Variants in ERBB2 observed in about 807,000 individuals in gnomAD.
The protein encoded by ERBB2 is receptor tyrosine-protein kinase erbB-2.
A neutral mutation model predicts 149.0 loss-of-function variants in ERBB2; 61 were observed. That is an observed-to-expected ratio of 0.41 (90% confidence interval 0.33 to 0.51). The LOEUF is 0.51. ERBB2 is among the 20% of genes least tolerant of loss of function. The pLI, the probability that ERBB2 is intolerant of heterozygous loss-of-function variation, is 0.25. For missense variants in ERBB2, 1,205 were observed against 1,655.1 expected (o/e 0.73, Z 4.72); for synonymous variants, 633 against 678.8 (o/e 0.93, Z 1.05).
At chr17:39,712,215 C>A in intron 8 of ERBB2, 107 bp from the exon 9 acceptor site, 1 of 1,536,376 alleles carries the variant, frequency 6.5e-7, no homozygotes, top group South Asian at 1.1e-5. Flanking sequence ...CCCTATATCC[C>A]CTGTCAGTGT....
intron 9 of ERBB2, among the ~76,000 whole-genome samples, chr17:39,714,655 T>C (rs1438881633): frequency 6.6e-6 from 1 of 152,202 alleles, no homozygotes; most frequent in African/African-American, 2.4e-5. Context: ...TATTTACTAA[T>C]AGACATTTAG....
chr17:39,726,319 C>T lies in ERBB2; in HGVS notation c.2873-243C>T, dbSNP rs143319500. 6.7e-5 allele frequency: 35 copies of T among 525,852 alleles called. No homozygotes were observed. Among genetic ancestry groups the T allele is most frequent in the African/African-American group, 1.3e-4 (7 of 52,422 alleles). The allele number at this position is 525,852 out of a possible 1,614,324, so 32.6% of individuals were successfully genotyped here. A position where few individuals can be genotyped will look rare whatever the true frequency, so the allele number is the denominator to read the frequency against. On this transcript the variant is annotated intron_variant, in intron 23 of 26. Transcript: ENST00000269571. This position sits in a 1 kb window ranked among gnomAD's most constrained non-coding sequence, Gnocchi z 5.1. ...CTGAAATCCAGCCTGGGTGACAGAG[C>T]GAAACCTCATCTCAAAAAAATAAAA...
rs768798865 is a variant in ERBB2 at position 39,726,686 on chromosome 17, G to T, written c.2970+27G>T. Reference sequence around the variant, plus strand: ...TACTGGGCCTCTGTGCCCCATCCCTGCCTGTGGCTAAGAGCACCCTCCTGC... The same window carrying T: ...TACTGGGCCTCTGTGCCCCATCCCTTCCTGTGGCTAAGAGCACCCTCCTGC... On this transcript the variant is annotated intron_variant, in intron 24 of 26. Coordinates refer to ENST00000269571, the MANE Select transcript of ERBB2 (RefSeq NM_004448.4). This position sits in a 1 kb window ranked among gnomAD's most constrained non-coding sequence, Gnocchi z 5.1. 2.5e-6 allele frequency: 4 copies of T among 1,610,556 alleles called. No homozygotes were observed. In the East Asian group the frequency reaches 8.9e-5, roughly 36 times the overall value.
rs765387989 is a variant in ERBB2, at chr17:39,723,420, G to A, written c.2048G>A (p.Arg683Gln). ...ATCAAGCGACGGCAGCAGAAGATCC[G>A]GAAGTACACGATGCGGAGACTGCTG... ...ILIKRRQQKIRKYTMRRLLQE... is the reference protein window; with the variant it reads ...ILIKRRQQKIQKYTMRRLLQE... The change falls in exon 17 of 27, where the codon CGG (arginine) becomes CAG (glutamine). Residue 683 changes from arginine to glutamine, a missense_variant. Arg to Gln is a conservative substitution (Grantham distance 43). Around this residue, in one of 6 missense-constraint regions of ERBB2, gnomAD observed 569 missense variants for 803.5 expected, o/e 0.71. Coordinates refer to ENST00000269571, the MANE Select transcript of ERBB2 (RefSeq NM_004448.4). This position sits in a 1 kb window ranked among gnomAD's most constrained non-coding sequence, Gnocchi z 6.2. 4 of 1,614,196 alleles carry A rather than the reference G, an allele frequency of 2.5e-6. No homozygotes were observed.
intron 8 of ERBB2, 56 bp downstream of exon 8, chr17:39,712,103 G>A: frequency 6.2e-7 from 1 of 1,611,926 alleles, no homozygotes; most frequent in Non-Finnish European, 8.5e-7. Context: ...TGCGCATGCA[G>A]CCTGGCCCAG....
Position 39,708,467 on chromosome 17 carries a change from C to T in ERBB2, c.372C>T (p.Asn124=). ...TGCTAGACAATGGAGACCCGCTGAA[C>T]AATACCACCCCTGTCACAGGGGCCT... ...LAVLDNGDPL[N]NTTPVTGASP... The change falls in exon 3 of 27, where the codon AAC becomes AAT. Residue 124 remains asparagine (N), a synonymous_variant. Transcript: ENST00000269571. 6.2e-7 allele frequency: 1 copy of T among 1,614,226 alleles called. No homozygotes were observed. The highest frequency in any genetic ancestry group is 1.3e-5 in the African/African-American group (1 of 75,060).
upstream of ERBB2, among the ~76,000 whole-genome samples, chr17:39,698,960 A>T (rs957350166): frequency 1.6e-4 from 16 of 98,818 alleles, no homozygotes; most frequent in South Asian, 3.4e-3. Context: ...GTTGAAATTA[A>T]AAAAAAAAAA....
intron 1 of ERBB2, among the ~76,000 whole-genome samples, chr17:39,705,103 C>T (rs2058346534): frequency 6.6e-6 from 1 of 152,182 alleles, no homozygotes; most frequent in South Asian, 2.1e-4. Context: ...ATGGAGGTTG[C>T]AGCCCCAGTC....
Position 39,715,784 on chromosome 17 carries a change from T to C in ERBB2, c.1358T>C (p.Leu453Pro). The C allele has an allele frequency of 1.2e-6, 2 of 1,608,998 alleles. No individual in the cohort carries two copies. The highest frequency in any genetic ancestry group is 4.5e-5 in the East Asian group (2 of 44,900). ...CTGCAAGGGCTGGGCATCAGCTGGC[T>C]GGGGCTGCGCTCACTGAGGGAACTG... The part of the protein sequence containing the change: ...LTLQGLGISW[L>P]GLRSLRELGS... Residue 453 changes from leucine (L) to proline (P), a missense_variant, in exon 12 of 27, where the codon CTG becomes CCG. Around this residue, in one of 6 missense-constraint regions of ERBB2, gnomAD observed 569 missense variants for 803.5 expected, o/e 0.71. Transcript: ENST00000269571.
At chr17:39,699,631 A>G (rs2057970671), upstream of ERBB2, 1 of 1,178,966 alleles carries the variant, frequency 8.5e-7, no homozygotes, top group South Asian at 1.3e-5. Context: ...ATTTTACTAG[A>G]GGATGTGGTG....
intron 7 of ERBB2, among the ~76,000 whole-genome samples, chr17:39,711,532 G>A (rs1470822352): frequency 6.6e-6 from 1 of 152,172 alleles, no homozygotes; most frequent in Admixed American, 6.5e-5. Flanking sequence ...TTACTGATGG[G>A]CGTTTATGGA....
chr17:39,705,273 T>C (rs2058357256), intron 1 of ERBB2, among the ~76,000 whole-genome samples: 1 of 151,068 alleles, frequency 6.6e-6, no homozygotes. Flanking sequence ...GGGGGTGGAG[T>C]CGGACCCTGC....
Position 39,723,716 on chromosome 17 carries a change from G to T in ERBB2, c.2208+56G>T, listed in dbSNP as rs2145819647. On this transcript the variant is annotated intron_variant, in intron 18 of 26. Transcript: ENST00000269571. This position sits in a 1 kb window ranked among gnomAD's most constrained non-coding sequence, Gnocchi z 6.2. ...CAGAGGATGGGGGCGGTGCCTGGAG[G>T]GGTGTGGTCGGCAGTTCTGATGGGA... is the stretch of plus-strand genomic sequence containing the variant. 1 of 1,567,872 alleles carries T rather than the reference G, an allele frequency of 6.4e-7. No homozygotes were observed. Among genetic ancestry groups the T allele is most frequent in the Non-Finnish European group, 8.7e-7 (1 of 1,155,838 alleles).
chr17:39,724,033 G>A (rs2145829104), intron 19 of ERBB2, 23 bp downstream of exon 19: 4 of 1,563,944 alleles, frequency 2.6e-6, no homozygotes, highest in African/African-American at 1.4e-5. Context: ...ACCCTCTCCT[G>A]CTAGGAGGAC....
chr17:39,718,085 TAC>T (rs1269623922), intron 15 of ERBB2, among the ~76,000 whole-genome samples: 1 of 152,252 alleles, frequency 6.6e-6, no homozygotes, highest in African/African-American at 2.4e-5. Context: ...GTGTTGGGAT[TAC>T]AGCGGTGAGC....
chr17:39,708,351 A>T lies in ERBB2; in HGVS notation c.256A>T (p.Ile86Phe), dbSNP rs759478535. Reference protein sequence around the residue: ...DIQEVQGYVLIAHNQVRQVPL... With the variant: ...DIQEVQGYVLFAHNQVRQVPL... ...CCAGGAGGTGCAGGGCTACGTGCTC[A>T]TCGCTCACAACCAAGTGAGGCAGGT... The change falls in exon 3 of 27, where the codon ATC becomes TTC. Residue 86 changes from isoleucine (I) to phenylalanine (F), a missense_variant. Physicochemically the swap from Ile to Phe is conservative, Grantham distance 21. Transcript: ENST00000269571. 1 of 1,614,154 alleles carries T rather than the reference A, an allele frequency of 6.2e-7. No individual in the cohort carries two copies. Among genetic ancestry groups the T allele is most frequent in the Non-Finnish European group, 8.5e-7 (1 of 1,180,018 alleles).
rs1251128027 is a variant in ERBB2, at chr17:39,727,915, C to T, written c.3639C>T (p.Phe1213=). 1 of 1,614,212 alleles carries T rather than the reference C, an allele frequency of 6.2e-7. No homozygotes were observed. The highest frequency in any genetic ancestry group is 1.7e-5 in the Admixed American group (1 of 60,036). ...CTCAGCCCCACCCTCCTCCTGCCTT[C>T]AGCCCAGCCTTCGACAACCTCTATT... The part of the protein sequence containing the change: ...AAPQPHPPPA[F]SPAFDNLYYW... The change falls in exon 27 of 27, where the codon TTC becomes TTT. Residue 1213 remains phenylalanine (F), a synonymous_variant. Transcript: ENST00000269571. The surrounding 1 kb of genome is among the most constrained non-coding windows in gnomAD (Gnocchi z 4.3).
chr17:39,727,563 T>C lies in ERBB2; in HGVS notation c.3412+16T>C. On this transcript the variant is annotated intron_variant, in intron 26 of 26. Coordinates refer to ENST00000269571, the MANE Select transcript of ERBB2 (RefSeq NM_004448.4). The surrounding 1 kb of genome is among the most constrained non-coding windows in gnomAD (Gnocchi z 4.3). ...CCCCAGCCTGGTATGGAGTCCAGTC[T>C]AAGCAGAGAGACTGATGGGCAGGGG... The C allele has an allele frequency of 6.3e-7, 1 of 1,592,304 alleles. No homozygotes were observed. The highest frequency in any genetic ancestry group is 1.1e-5 in the South Asian group (1 of 87,580).
At chr17:39,695,704 TACACACACAC>T (rs56249643), upstream of ERBB2, among the ~76,000 whole-genome samples, 1,844 of 96,638 alleles carry the variant, frequency 0.019, 32 homozygotes, top group Admixed American at 0.025. Flanking sequence ...GGTGCATGCA[TACACACACAC>T]ACACACACAC....
Sources: allele counts gnomAD v4.1 joint callset (sites outside exome capture counted in the v4.1 genomes callset), GRCh38; gene constraint gnomAD v4.1.1; regional missense constraint gnomAD v4.1.1; non-coding constraint Gnocchi (gnomAD v3.1); transcripts MANE v1.5; gene names NCBI Gene and HGNC (gene_info 2026-07-23, HGNC 2026-07-21).